Variants in SMARCC1 observed in about 807,000 individuals in gnomAD.
SMARCC1 encodes SWI/SNF complex subunit SMARCC1.
SMARCC1 carries 43 observed loss-of-function variants against 147.4 expected under a neutral mutation model. The ratio of observed to expected loss-of-function variants is 0.29; its 90% CI spans 0.23 to 0.38. The LOEUF is 0.38. SMARCC1 is among the 10% of genes least tolerant of loss of function. SMARCC1 has a pLI of 1.00. For synonymous variants in SMARCC1, 495 were observed against 484.4 expected (o/e 1.02, Z -0.29); for missense variants, 1,119 against 1,381.1 (o/e 0.81, Z 3.01).
intron 15 of SMARCC1, among the ~76,000 whole-genome samples, chr3:47,679,274 G>A (rs2033610782): frequency 6.6e-6 from 1 of 151,580 alleles, no homozygotes; most frequent in South Asian, 2.1e-4. Context: ...GGTATGTACA[G>A]TATTGACAGA....
chr3:47,731,362 C>G (rs1181644860), intron 5 of SMARCC1, among the ~76,000 whole-genome samples: 1 of 152,188 alleles, frequency 6.6e-6, no homozygotes, highest in Non-Finnish European at 1.5e-5. Context: ...GTTACTTCCT[C>G]TACTAAAGTC....
At chr3:47,645,856 G>A (rs1247849947) in intron 21 of SMARCC1, among the ~76,000 whole-genome samples, 1 of 152,206 alleles carries the variant, frequency 6.6e-6, no homozygotes, top group Non-Finnish European at 1.5e-5. Context: ...GTTCCAAGAT[G>A]AAGTTACATA....
In SMARCC1 at chr3:47,631,355, T is replaced by C. The variant is rs539848694; in HGVS notation, c.2646+3835A>G. On this transcript the variant is annotated intron_variant, in intron 24 of 27. Transcript: ENST00000254480. Reference sequence around the variant, plus strand: ...AGAATAAATTCAAAGGAAATATCTGTGGTTTTAAGAAAATGTGATCTCTGC... The same window carrying C: ...AGAATAAATTCAAAGGAAATATCTGCGGTTTTAAGAAAATGTGATCTCTGC... Among the ~76,000 whole-genome samples the C allele has an allele frequency of 2.0e-5, 3 of 152,336 alleles. No individual in the cohort carries two copies. The South Asian group carries it at 6.2e-4, about 32-fold the overall frequency.
At chr3:47,690,230 A>G (rs1364434040) in intron 12 of SMARCC1, among the ~76,000 whole-genome samples, 1 of 152,188 alleles carries the variant, frequency 6.6e-6, no homozygotes, top group Admixed American at 6.6e-5. Context: ...GGTTGGGTGC[A>G]GTCGCTCACA....
intron 26 of SMARCC1, among the ~76,000 whole-genome samples, chr3:47,599,877 A>C (rs2032357006): frequency 6.6e-6 from 1 of 152,232 alleles, no homozygotes; most frequent in Non-Finnish European, 1.5e-5. Flanking sequence ...AAACACCCAC[A>C]AAGTGATGTC....
intron 25 of SMARCC1, among the ~76,000 whole-genome samples, chr3:47,613,979 A>AG (rs1167153302): frequency 1.5e-5 from 2 of 136,144 alleles, no homozygotes; most frequent in East Asian, 2.6e-4. Flanking sequence ...TAAAGCAGGG[A>AG]GGGGGGTGGG....
At chr3:47,628,954 C>T (rs2032849950) in intron 24 of SMARCC1, among the ~76,000 whole-genome samples, 1 of 152,134 alleles carries the variant, frequency 6.6e-6, no homozygotes, top group African/African-American at 2.4e-5. Flanking sequence ...CCAAGACAGC[C>T]AATCACTGCA....
chr3:47,716,154 G>A (rs1414254554), intron 7 of SMARCC1, among the ~76,000 whole-genome samples: 2 of 151,600 alleles, frequency 1.3e-5, no homozygotes, highest in South Asian at 2.1e-4. Context: ...AGTGACTCAC[G>A]CCTGTAATTC....
At chr3:47,686,399 G>A (rs1040268212) in intron 13 of SMARCC1, among the ~76,000 whole-genome samples, 9 of 152,186 alleles carry the variant, frequency 5.9e-5, no homozygotes, top group Non-Finnish European at 1.2e-4. Context: ...AATCAATGCA[G>A]AGAAGGTAGG....
At chr3:47,630,984 G>C (rs75288416) in intron 24 of SMARCC1, among the ~76,000 whole-genome samples, 1,689 of 152,184 alleles carry the variant, frequency 0.011, 33 homozygotes, top group African/African-American at 0.038. Context: ...GATCTCATTT[G>C]AGCCCAGGAC....
chr3:47,693,325 T>G (rs770767686), intron 11 of SMARCC1, 25 bp from the exon 12 acceptor site: 1 of 1,369,418 alleles, frequency 7.3e-7, no homozygotes. Flanking sequence ...AAAAGAGTTA[T>G]GTTTATGTGG....
At chr3:47,728,480 C>T (rs1415171956) in intron 6 of SMARCC1, among the ~76,000 whole-genome samples, 5 of 151,944 alleles carry the variant, frequency 3.3e-5, no homozygotes, top group African/African-American at 7.2e-5. Context: ...TTTCCTTTTT[C>T]GTTAGGTTTA....
intron 7 of SMARCC1, among the ~76,000 whole-genome samples, chr3:47,718,778 T>C (rs977897593): frequency 1.3e-5 from 2 of 151,522 alleles, no homozygotes; most frequent in Non-Finnish European, 2.9e-5. Context: ...ACAATGAAAA[T>C]CTCCACTTTA....
chr3:47,673,232 A>T (rs2033524291), intron 18 of SMARCC1, among the ~76,000 whole-genome samples: 1 of 151,902 alleles, frequency 6.6e-6, no homozygotes, highest in Non-Finnish European at 1.5e-5. Context: ...AAAAAATAAA[A>T]ATAAAAAAAA....
At chr3:47,738,977 C>T (rs1283858794) in intron 3 of SMARCC1, among the ~76,000 whole-genome samples, 4 of 152,238 alleles carry the variant, frequency 2.6e-5, no homozygotes, top group Admixed American at 2.6e-4. Flanking sequence ...AAACTCTTCT[C>T]CAATGTCTCT....
At chr3:47,616,850 G>C (rs1455252167) in intron 25 of SMARCC1, among the ~76,000 whole-genome samples, 1 of 152,084 alleles carries the variant, frequency 6.6e-6, no homozygotes, top group Admixed American at 6.6e-5. Flanking sequence ...ATTTGATTTT[G>C]AGTCTTAATT....
chr3:47,735,648 G>A lies in SMARCC1; in HGVS notation c.576+386C>T, dbSNP rs560863357. On this transcript the variant is annotated intron_variant, in intron 5 of 27. Transcript: ENST00000254480. ...ACACACCTGTAGTCCCAGCAATTTC[G>A]GAGGCTGAGGCACGAGAATCACTTG... 9.0e-4 allele frequency among the ~76,000 whole-genome samples: 137 copies of A among 152,068 alleles called. 1 individual carries two copies. The highest frequency in any genetic ancestry group is 7.2e-4 in the Non-Finnish European group (49 of 67,986).
chr3:47,696,522 A>ATT (rs770001733), intron 11 of SMARCC1, among the ~76,000 whole-genome samples: 2 of 145,456 alleles, frequency 1.4e-5, no homozygotes, highest in Admixed American at 6.9e-5. Flanking sequence ...AGTGTGAATA[A>ATT]TTTTTTTTTT....
chr3:47,775,773 G>C (rs2034967092), intron 1 of SMARCC1, among the ~76,000 whole-genome samples: 1 of 151,900 alleles, frequency 6.6e-6, no homozygotes, highest in Non-Finnish European at 1.5e-5. Flanking sequence ...CAGCCTGGGT[G>C]ACAGAGCGAG....
Sources: gnomAD v4.1 joint callset for allele counts (sites outside exome capture counted in the v4.1 genomes callset) on GRCh38, gnomAD v4.1.1 for gene constraint, MANE v1.5 for transcripts, NCBI Gene and HGNC (gene_info 2026-07-23, HGNC 2026-07-21) for gene names.